AMPH: variants seen among roughly 807,000 people sequenced by gnomAD.
AMPH encodes the protein amphiphysin, also known as amphiphysin (Stiff-Mann syndrome with breast cancer 128kD autoantigen).
A neutral mutation model predicts 99.1 loss-of-function variants in AMPH; 49 were observed. The observed-to-expected ratio is 0.49, with a 90% confidence interval of 0.39 to 0.63. The LOEUF (loss-of-function observed/expected upper bound fraction) is 0.63. AMPH is among the 20% of genes least tolerant of loss of function. The pLI is 0.00. For synonymous variants in AMPH, 314 were observed against 317.3 expected (o/e 0.99, Z 0.11); for missense variants, 759 against 863.4 (o/e 0.88, Z 1.52).
chr7:38,545,167 A>G lies in AMPH; in HGVS notation c.70-10156T>C, dbSNP rs542836972. The stretch of plus-strand genomic sequence containing the variant: ...GCCTAGAGTGGTGGTCTACATTCCT[A>G]GAAATCATCTTTACTGGTGGTTTCT... On this transcript the variant is annotated intron_variant, in intron 1 of 20. Transcript: ENST00000356264. Among the ~76,000 whole-genome samples the G allele has an allele frequency of 5.3e-5, 8 of 152,306 alleles. No homozygotes were observed. The South Asian group carries it at 1.2e-3, about 24-fold the overall frequency.
At chr7:38,476,818 C>T (rs887477066) in intron 6 of AMPH, 44 bp downstream of exon 6, 2 of 1,436,758 alleles carry the variant, frequency 1.4e-6, no homozygotes, top group Non-Finnish European at 2.0e-6. Flanking sequence ...TGCAACAGGT[C>T]ATAAAATACG....
intron 5 of AMPH, among the ~76,000 whole-genome samples, chr7:38,485,350 T>A (rs1788449020): frequency 1.3e-5 from 2 of 151,802 alleles, no homozygotes; most frequent in African/African-American, 4.8e-5. Flanking sequence ...ACAAAATAAA[T>A]CTAAATTCCA....
chr7:38,403,697 C>T (rs1784905352), intron 17 of AMPH, among the ~76,000 whole-genome samples: 1 of 152,180 alleles, frequency 6.6e-6, no homozygotes, highest in Non-Finnish European at 1.5e-5. Context: ...GCCAAAGTGC[C>T]CCTTGGAACA....
chr7:38,414,960 G>A (rs1785325420), intron 17 of AMPH, among the ~76,000 whole-genome samples: 1 of 152,146 alleles, frequency 6.6e-6, no homozygotes, highest in South Asian at 2.1e-4. Flanking sequence ...CACCACACCT[G>A]GCCCCAAATC....
intron 11 of AMPH, among the ~76,000 whole-genome samples, chr7:38,445,415 A>C (rs73692372): frequency 0.057 from 8,634 of 152,184 alleles, 640 homozygotes; most frequent in East Asian, 0.35. Flanking sequence ...AAAATGGATA[A>C]ATTGGATTTC....
chr7:38,477,284 T>C (rs1400624509), intron 5 of AMPH, among the ~76,000 whole-genome samples: 1 of 152,124 alleles, frequency 6.6e-6, no homozygotes, highest in East Asian at 1.9e-4. Flanking sequence ...GGCAAAACTA[T>C]ACTCATTATT....
intron 1 of AMPH, among the ~76,000 whole-genome samples, chr7:38,589,521 AC>A (rs1714910456): frequency 6.6e-6 from 1 of 152,278 alleles, no homozygotes; most frequent in Non-Finnish European, 1.5e-5. Flanking sequence ...GTGTCAACCT[AC>A]CCCGAGCATC....
intron 1 of AMPH, among the ~76,000 whole-genome samples, chr7:38,557,757 C>T (rs2129047890): frequency 6.6e-6 from 1 of 151,994 alleles, no homozygotes; most frequent in African/African-American, 2.4e-5. Context: ...TTGTGAGAGA[C>T]AGTTAAAAAA....
At chr7:38,419,216 C>G (rs931615065) in intron 16 of AMPH, among the ~76,000 whole-genome samples, 2 of 152,128 alleles carry the variant, frequency 1.3e-5, no homozygotes, top group Admixed American at 1.3e-4. Context: ...GTACATTTAT[C>G]TGAGTCAGTG....
intron 17 of AMPH, among the ~76,000 whole-genome samples, chr7:38,403,559 C>T (rs1784901378): frequency 6.6e-6 from 1 of 152,204 alleles, no homozygotes; most frequent in Non-Finnish European, 1.5e-5. Context: ...CCCCTGCAAA[C>T]ATACCTTAGA....
intron 2 of AMPH, among the ~76,000 whole-genome samples, chr7:38,506,706 G>A (rs1201403522): frequency 1.3e-5 from 2 of 152,080 alleles, no homozygotes; most frequent in African/African-American, 4.8e-5. Flanking sequence ...AGATCTGTCT[G>A]GAACATCAAT....
chr7:38,616,335 G>A lies in AMPH; in HGVS notation c.69+14948C>T, dbSNP rs189126628. Among the ~76,000 whole-genome samples, 175 of 152,248 alleles carry A rather than the reference G, an allele frequency of 1.1e-3. 1 individual carries two copies. The highest frequency in any genetic ancestry group is 1.1e-3 in the Non-Finnish European group (77 of 68,010). On this transcript the variant is annotated intron_variant, in intron 1 of 20. Transcript: ENST00000356264. ...AGGAGTGAAAAAAATACAACTCAGC[G>A]AAATCAAACTTAGAACATGAAAATA... is the stretch of plus-strand genomic sequence containing the variant.
chr7:38,545,964 A>AG (rs1199065537), intron 1 of AMPH, among the ~76,000 whole-genome samples: 2 of 152,182 alleles, frequency 1.3e-5, no homozygotes, highest in African/African-American at 2.4e-5. Context: ...TAAAAAATAC[A>AG]GGGGGGGATG....
intron 1 of AMPH, among the ~76,000 whole-genome samples, chr7:38,571,164 T>TA (rs1791978686): frequency 2.5e-5 from 2 of 80,626 alleles, no homozygotes; most frequent in Non-Finnish European, 4.2e-5. Flanking sequence ...TATATATATT[T>TA]TTATATATTT....
At chr7:38,604,495 C>A (rs977097935) in intron 1 of AMPH, among the ~76,000 whole-genome samples, 2 of 152,192 alleles carry the variant, frequency 1.3e-5, no homozygotes, top group Non-Finnish European at 2.9e-5. Context: ...CTGCCCCAGC[C>A]CTGCACAGGG....
At chr7:38,464,550 C>G (rs936151316) in intron 9 of AMPH, among the ~76,000 whole-genome samples, 4 of 152,064 alleles carry the variant, frequency 2.6e-5, no homozygotes, top group Non-Finnish European at 5.9e-5. Flanking sequence ...ATGTGTATGA[C>G]TATGTGTGTT....
At chr7:38,521,821 T>C (rs964406409) in intron 2 of AMPH, among the ~76,000 whole-genome samples, 2 of 152,184 alleles carry the variant, frequency 1.3e-5, no homozygotes, top group African/African-American at 2.4e-5. Context: ...TTTTCTTACA[T>C]GATAGTAATT....
intron 1 of AMPH, among the ~76,000 whole-genome samples, chr7:38,575,482 C>A (rs1321698793): frequency 1.3e-5 from 2 of 152,098 alleles, no homozygotes; most frequent in African/African-American, 4.8e-5. Flanking sequence ...GAGGTGATTA[C>A]ATCATGGGGG....
At chr7:38,402,193 G>A (rs1478646656) in intron 17 of AMPH, among the ~76,000 whole-genome samples, 1 of 151,912 alleles carries the variant, frequency 6.6e-6, no homozygotes, top group African/African-American at 2.4e-5. Context: ...TTCTCAATAT[G>A]GTTGCCTTAT....
Sources: allele counts gnomAD v4.1 joint callset (sites outside exome capture counted in the v4.1 genomes callset), GRCh38; gene constraint gnomAD v4.1.1; transcripts MANE v1.5; gene names NCBI Gene and HGNC (gene_info 2026-07-23, HGNC 2026-07-21).